SYNE1: variants seen among roughly 807,000 people sequenced by gnomAD.
The protein encoded by SYNE1 is spectrin repeat containing nuclear envelope protein 1.
A neutral mutation model predicts 1,111.0 loss-of-function variants in SYNE1; 616 were observed. The observed-to-expected ratio is 0.55, with a 90% confidence interval of 0.52 to 0.59. SYNE1 has a LOEUF of 0.59. Among genes scored for constraint, SYNE1 ranks in the 20% least tolerant of loss-of-function variants. The pLI, the probability that SYNE1 is intolerant of heterozygous loss-of-function variation, is 0.00. For synonymous variants in SYNE1, 3,855 were observed against 3,825.8 expected (o/e 1.01, Z -0.28); for missense variants, 10,006 against 10,417.0 (o/e 0.96, Z 1.72).
chr6:152,126,425 G>C (rs1047744316), intron 145 of SYNE1: 1 of 152,174 alleles, frequency 6.6e-6, no homozygotes, highest in Admixed American at 6.5e-5. Flanking sequence ...TTTCATAAGG[G>C]AAAGAACAAA....
chr6:152,532,167 T>A (rs565842137), intron 4 of SYNE1, among the ~76,000 whole-genome samples: 12 of 152,322 alleles, frequency 7.9e-5, no homozygotes, highest in African/African-American at 2.6e-4. Flanking sequence ...AGGTACAAAT[T>A]TCTACAAATC....
chr6:152,490,107 A>C (rs1428624306), intron 11 of SYNE1, among the ~76,000 whole-genome samples: 3 of 152,236 alleles, frequency 2.0e-5, no homozygotes, highest in Non-Finnish European at 2.9e-5. Flanking sequence ...ATACAGCAAT[A>C]AAGATAATAC....
At chr6:152,199,208 A>T (rs1015037351) in intron 127 of SYNE1, among the ~76,000 whole-genome samples, 1 of 152,180 alleles carries the variant, frequency 6.6e-6, no homozygotes, top group African/African-American at 2.4e-5. Context: ...TTGAAGTTTA[A>T]TCACTGTATT....
At chr6:152,434,774 A>C (rs2098458260) in intron 33 of SYNE1, 1 of 152,076 alleles carries the variant, frequency 6.6e-6, no homozygotes, top group South Asian at 2.1e-4. Flanking sequence ...AAAAAAAAAA[A>C]AGTGAAAGAA....
intron 51 of SYNE1, among the ~76,000 whole-genome samples, chr6:152,394,341 T>G (rs1389249729): frequency 6.6e-6 from 1 of 152,210 alleles, no homozygotes; most frequent in Non-Finnish European, 1.5e-5. Context: ...GTTTCTGACT[T>G]ATTTGATAAA....
intron 91 of SYNE1, 116 bp downstream of exon 91, chr6:152,308,373 T>G: frequency 2.7e-6 from 4 of 1,463,020 alleles, no homozygotes; most frequent in Non-Finnish European, 3.7e-6. Context: ...TCTCAAGAGT[T>G]GAACACATTA....
intron 51 of SYNE1, among the ~76,000 whole-genome samples, chr6:152,393,858 G>A (rs550638222): frequency 4.6e-5 from 7 of 152,206 alleles, no homozygotes. Flanking sequence ...TTAAGTTCTG[G>A]GATACATGTG....
intron 42 of SYNE1, among the ~76,000 whole-genome samples, chr6:152,412,986 G>T (rs552549219): frequency 6.6e-6 from 1 of 151,788 alleles, no homozygotes; most frequent in Non-Finnish European, 1.5e-5. Context: ...CAAGTAGCTG[G>T]CATTACAGGC....
chr6:152,301,754 C>A, intron 92 of SYNE1, 115 bp downstream of exon 92: 1 of 1,169,812 alleles, frequency 8.5e-7, no homozygotes, highest in Non-Finnish European at 1.2e-6. Context: ...GTTCCTCCCT[C>A]TGAATCTGCA....
At chr6:152,280,281 A>G (rs1187432590) in intron 97 of SYNE1, among the ~76,000 whole-genome samples, 3 of 152,238 alleles carry the variant, frequency 2.0e-5, no homozygotes, top group Admixed American at 2.0e-4. Flanking sequence ...TTAATATTAG[A>G]TTTTTAAAAA....
chr6:152,128,114 T>G (rs2054160756), intron 145 of SYNE1: 1 of 152,208 alleles, frequency 6.6e-6, no homozygotes. Flanking sequence ...GCTGTCAATT[T>G]CAACTCAGTT....
intron 39 of SYNE1, among the ~76,000 whole-genome samples, chr6:152,420,293 G>T (rs1329874219): frequency 6.6e-6 from 1 of 152,066 alleles, no homozygotes; most frequent in African/African-American, 2.4e-5. Context: ...ACAGATTTCT[G>T]ATAACTTTGG....
At chr6:152,321,655 T>C (rs1188808133) in intron 83 of SYNE1, 66 bp downstream of exon 83, 2 of 1,589,170 alleles carry the variant, frequency 1.3e-6, no homozygotes, top group African/African-American at 1.3e-5. Flanking sequence ...ACAAGTATGT[T>C]CAACTAAAAT....
chr6:152,168,065 G>A (rs181000088), intron 130 of SYNE1: 27 of 780,672 alleles, frequency 3.5e-5, no homozygotes, highest in African/African-American at 5.1e-5. Context: ...CAAACCCCAC[G>A]TAACATGAAA....
At chr6:152,125,502 T>C in intron 145 of SYNE1, 1 of 1,103,674 alleles carries the variant, frequency 9.1e-7, no homozygotes, top group Non-Finnish European at 1.2e-6. Context: ...TTCAATGGTT[T>C]GCCTTAAAGT....
rs368468256 is a variant in SYNE1, at chr6:152,262,049, G to C, written c.18955C>G (p.Gln6319Glu). The change falls in exon 101 of 146, where the codon CAG (glutamine) becomes GAG (glutamate). Residue 6319 changes from glutamine to glutamate, a missense_variant. Gln to Glu is a conservative substitution (Grantham distance 29). This residue lies in a region of SYNE1 where 2,182 missense variants were observed against 2,287.8 expected (regional missense o/e 0.95). Coordinates refer to ENST00000367255, the MANE Select transcript of SYNE1 (RefSeq NM_182961.4). Reference protein sequence around the residue: ...KQKLLQNVLEQEQEQVLYSRP... With the variant: ...KQKLLQNVLEEEQEQVLYSRP... ...TTTGATACCACTTGCTCTTGTTCCTGTTCCAGAACATTCTGTAGTAGTTTC... is the reference window on the plus strand; with the variant it reads ...TTTGATACCACTTGCTCTTGTTCCTCTTCCAGAACATTCTGTAGTAGTTTC... The C allele has an allele frequency of 1.9e-6, 3 of 1,613,200 alleles. No homozygotes were observed. In the African/African-American group the frequency reaches 4.0e-5, roughly 22 times the overall value.
chr6:152,395,635 G>A lies in SYNE1; in HGVS notation c.7593C>T (p.Ile2531=), dbSNP rs201679896. 4.3e-6 allele frequency: 7 copies of A among 1,614,102 alleles called. No homozygotes were observed. In the Middle Eastern group the frequency reaches 4.9e-4, roughly 114 times the overall value. ...TATTGAACCTTTCTTCCATTTCATGGATCCATAAGTTCAGTTTTCTGTGCT... is the reference window on the plus strand; with the variant it reads ...TATTGAACCTTTCTTCCATTTCATGAATCCATAAGTTCAGTTTTCTGTGCT... ...EDQHRKLNLW[I]HEMEERFNTE... is the part of the protein sequence containing the mutation. Residue 2531 remains isoleucine (I), a synonymous_variant, in exon 51 of 146, where the codon ATC becomes ATT. Transcript: ENST00000367255.
chr6:152,593,039 C>T (rs534623892), intron 3 of SYNE1, among the ~76,000 whole-genome samples: 3 of 152,284 alleles, frequency 2.0e-5, no homozygotes, highest in South Asian at 2.1e-4. Context: ...GTATGTACAA[C>T]TCATTTATTT....
At chr6:152,206,628 A>T (rs1282773678) in intron 125 of SYNE1, among the ~76,000 whole-genome samples, 3 of 152,134 alleles carry the variant, frequency 2.0e-5, no homozygotes. Context: ...GGGACATCTG[A>T]CCCAGCAGGG....
Sources: allele counts gnomAD v4.1 joint callset (sites outside exome capture counted in the v4.1 genomes callset), GRCh38; gene constraint gnomAD v4.1.1; regional missense constraint gnomAD v4.1.1; transcripts MANE v1.5; gene names NCBI Gene and HGNC (gene_info 2026-07-23, HGNC 2026-07-21).